The following LGR5 variants were observed in gnomAD, a reference collection of about 807,000 sequenced individuals.
LGR5 encodes the protein leucine-rich repeat-containing G protein-coupled receptor 5.
A neutral mutation model predicts 76.7 loss-of-function variants in LGR5; 54 were observed. The observed-to-expected ratio is 0.70, with a 90% CI of 0.57 to 0.88. The LOEUF (loss-of-function observed/expected upper bound fraction) is 0.88, where lower values mean the gene tolerates loss of function less well. Ranked by LOEUF, LGR5 falls within the 40% of genes least tolerant of loss-of-function variation. The probability of loss-of-function intolerance (pLI) is 0.00; values close to 1 mark genes in which losing one functional copy is unlikely to be tolerated. For missense variants in LGR5, 1,078 were observed against 1,073.3 expected (o/e 1.00, Z -0.06); for synonymous variants, 406 against 421.9 (o/e 0.96, Z 0.46).
chr12:71,444,091 GT>G (rs1871882671), intron 1 of LGR5, among the ~76,000 whole-genome samples: 1 of 152,042 alleles, frequency 6.6e-6, no homozygotes, highest in South Asian at 2.1e-4. Flanking sequence ...TTAAGATGCA[GT>G]TTCAAGATGA....
intron 1 of LGR5, among the ~76,000 whole-genome samples, chr12:71,463,900 G>C (rs914326378): frequency 3.9e-5 from 6 of 151,964 alleles, no homozygotes; most frequent in Non-Finnish European, 4.4e-5. Context: ...AAAAGGTCTT[G>C]ATCCTGCCTG....
chr12:71,471,913 A>T (rs939567323), intron 1 of LGR5, among the ~76,000 whole-genome samples: 6 of 152,234 alleles, frequency 3.9e-5, no homozygotes, highest in Admixed American at 2.6e-4. Flanking sequence ...GAGGGAAAAA[A>T]ACAACATATT....
Position 71,448,076 on chromosome 12 carries a change from C to T in LGR5, c.212+7784C>T, listed in dbSNP as rs141335960. Among the ~76,000 whole-genome samples, 53 of 134,730 alleles carry T rather than the reference C, an allele frequency of 3.9e-4. No homozygotes were observed. The East Asian group carries it at 7.9e-3, about 20-fold the overall frequency. The allele number at this position is 134,730 out of a possible 152,430, so 88.4% of individuals were successfully genotyped here. A position where few individuals can be genotyped will look rare whatever the true frequency, so the allele number is the denominator to read the frequency against. ...CCCCTTCCTCCTCGTCTCCCTCACA[C>T]ACACACAAACACACACACACACACA... On this transcript the variant is annotated intron_variant, in intron 1 of 17. Coordinates refer to ENST00000266674, the MANE Select transcript of LGR5 (RefSeq NM_003667.4).
intron 13 of LGR5, 142 bp from the exon 14 acceptor site, chr12:71,577,783 T>A: frequency 5.1e-6 from 3 of 585,626 alleles, no homozygotes; most frequent in Non-Finnish European, 9.2e-6. Flanking sequence ...AATATGATAA[T>A]CTGAAGGGCA....
At chr12:71,539,189 T>G (rs150760401) in intron 4 of LGR5, among the ~76,000 whole-genome samples, 1 of 152,262 alleles carries the variant, frequency 6.6e-6, no homozygotes, top group African/African-American at 2.4e-5. Flanking sequence ...CAAAATGCAT[T>G]TGAGAAATTA....
At chr12:71,535,309 A>G (rs1876531180) in intron 4 of LGR5, 123 bp downstream of exon 4, 7 of 654,846 alleles carry the variant, frequency 1.1e-5, no homozygotes, top group South Asian at 1.0e-4. Context: ...ATTGTGAATG[A>G]GAGCCCATTA....
At chr12:71,533,651 G>A (rs957830210) in intron 3 of LGR5, among the ~76,000 whole-genome samples, 1 of 152,098 alleles carries the variant, frequency 6.6e-6, no homozygotes, top group African/African-American at 2.4e-5. Flanking sequence ...TATTAGTTTC[G>A]AGAAAGGGCC....
rs142220609 is a variant in LGR5 at position 71,571,636 on chromosome 12, T to G, written c.1136+57T>G. 6.6e-3 allele frequency: 8,413 copies of G among 1,269,582 alleles called. 45 individuals are homozygous for G. The highest frequency in any genetic ancestry group is 0.013 in the Middle Eastern group (67 of 5,356). The allele number at this position is 1,269,582 out of a possible 1,614,324, so 78.6% of individuals were successfully genotyped here. ...AAAATCAAGAATCAAAACTCACATT[T>G]CTCAGGGTCACTGGTTCATTTACCC... On this transcript the variant is annotated intron_variant, in intron 12 of 17. Coordinates refer to ENST00000266674, the MANE Select transcript of LGR5 (RefSeq NM_003667.4).
intron 8 of LGR5, among the ~76,000 whole-genome samples, chr12:71,562,935 T>C (rs142941663): frequency 1.4e-3 from 209 of 152,320 alleles, no homozygotes; most frequent in African/African-American, 4.6e-3. Flanking sequence ...TTCTGAAATG[T>C]TCTGGCAATA....
chr12:71,583,362 A>T, intron 17 of LGR5: 1 of 359,102 alleles, frequency 2.8e-6, no homozygotes, highest in Non-Finnish European at 5.0e-6. Context: ...GCTCCAACAC[A>T]GCTGTATCTT....
At chr12:71,572,398 A>T (rs1375696451) in intron 12 of LGR5, among the ~76,000 whole-genome samples, 1 of 152,180 alleles carries the variant, frequency 6.6e-6, no homozygotes, top group Non-Finnish European at 1.5e-5. Context: ...GTTGTTTTAT[A>T]GTCACACTTC....
At chr12:71,502,878 G>C (rs962942392) in intron 1 of LGR5, among the ~76,000 whole-genome samples, 28 of 152,162 alleles carry the variant, frequency 1.8e-4, no homozygotes, top group African/African-American at 6.3e-4. Flanking sequence ...GTTCTATTTA[G>C]AACTTTCTGC....
intron 8 of LGR5, among the ~76,000 whole-genome samples, chr12:71,562,118 AC>A (rs1878090889): frequency 6.6e-6 from 1 of 152,150 alleles, no homozygotes; most frequent in East Asian, 1.9e-4. Flanking sequence ...GCTTTTGATT[AC>A]CTCTATTTTC....
chr12:71,520,428 G>T (rs967603543), intron 2 of LGR5, among the ~76,000 whole-genome samples: 3 of 152,150 alleles, frequency 2.0e-5, no homozygotes, highest in Non-Finnish European at 4.4e-5. Flanking sequence ...TGCTAATCAG[G>T]TATGGAGATT....
At chr12:71,448,646 T>C (rs1276463142) in intron 1 of LGR5, 1 of 152,210 alleles carries the variant, frequency 6.6e-6, no homozygotes, top group African/African-American at 2.4e-5. Flanking sequence ...ACCTTTCAGT[T>C]TTTTACATAT....
intron 2 of LGR5, among the ~76,000 whole-genome samples, chr12:71,512,919 G>A (rs1875235891): frequency 6.6e-6 from 1 of 152,194 alleles, no homozygotes; most frequent in African/African-American, 2.4e-5. Flanking sequence ...AAGAGGTGAT[G>A]GTTGAAGGTG....
At chr12:71,549,927 A>G (rs1877391001) in intron 4 of LGR5, among the ~76,000 whole-genome samples, 1 of 152,180 alleles carries the variant, frequency 6.6e-6, no homozygotes, top group Admixed American at 6.5e-5. Flanking sequence ...AGGCCAGATT[A>G]TATCCTTTTT....
At chr12:71,484,173 T>G (rs1413390750) in intron 1 of LGR5, among the ~76,000 whole-genome samples, 1 of 152,068 alleles carries the variant, frequency 6.6e-6, no homozygotes, top group Non-Finnish European at 1.5e-5. Flanking sequence ...AAATAAGATT[T>G]CCTAAGAAAA....
intron 1 of LGR5, among the ~76,000 whole-genome samples, chr12:71,457,184 G>C (rs1872515823): frequency 6.6e-6 from 1 of 152,178 alleles, no homozygotes; most frequent in South Asian, 2.1e-4. Flanking sequence ...CTGAACTAAA[G>C]AACTTTAGTG....
Sources: allele counts gnomAD v4.1 joint callset (sites outside exome capture counted in the v4.1 genomes callset), GRCh38; gene constraint gnomAD v4.1.1; transcripts MANE v1.5; gene names NCBI Gene and HGNC (gene_info 2026-07-23, HGNC 2026-07-21).